Variants in CDKN2B-AS1 observed in about 807,000 individuals in gnomAD.
CDKN2B-AS1 encodes the protein CDKN2B and CDKN2A antisense cis and trans regulatory RNA 1.
At chr9:22,102,164 G>C (rs1404768606) in intron 4 of CDKN2B-AS1, among the ~76,000 whole-genome samples, 1 of 152,194 alleles carries the variant, frequency 6.6e-6, no homozygotes. Context: ...GCATCTGAAT[G>C]ACAGGCATTC....
intron 4 of CDKN2B-AS1, among the ~76,000 whole-genome samples, chr9:22,092,759 T>C (rs535653585): frequency 1.3e-3 from 194 of 152,248 alleles, no homozygotes; most frequent in African/African-American, 4.5e-3. Context: ...TTTGTTGATC[T>C]TTTCAAAAAA....
intron 1 of CDKN2B-AS1, among the ~76,000 whole-genome samples, chr9:22,013,516 A>T (rs1375754957): frequency 1.3e-5 from 2 of 152,026 alleles, no homozygotes; most frequent in Non-Finnish European, 2.9e-5. Flanking sequence ...CAATACTGTG[A>T]GCAAGGGTCA....
At chr9:22,126,708 G>T (rs1041946772) in intron 4 of CDKN2B-AS1, among the ~76,000 whole-genome samples, 1 of 151,808 alleles carries the variant, frequency 6.6e-6, no homozygotes, top group Non-Finnish European at 1.5e-5. Context: ...GAGTAGCTGG[G>T]ACTACAGGCG....
intron 4 of CDKN2B-AS1, among the ~76,000 whole-genome samples, chr9:22,101,467 T>G (rs1394332188): frequency 6.6e-6 from 1 of 152,212 alleles, no homozygotes; most frequent in Non-Finnish European, 1.5e-5. Context: ...ATGTCAATTT[T>G]AAGTAATGTC....
chr9:22,019,724 A>T (rs759664467), intron 1 of CDKN2B-AS1, among the ~76,000 whole-genome samples: 1 of 152,150 alleles, frequency 6.6e-6, no homozygotes, highest in East Asian at 1.9e-4. Flanking sequence ...TAGTAATGCA[A>T]TTTTCTCTAT....
chr9:22,012,331 C>T, intron 1 of CDKN2B-AS1: 2 of 1,434,666 alleles, frequency 1.4e-6, no homozygotes, highest in Non-Finnish European at 2.0e-6. Context: ...TCTCAGACTA[C>T]AACGTCCAGA....
chr9:22,087,046 A>G (rs1297875905), intron 4 of CDKN2B-AS1, among the ~76,000 whole-genome samples: 2 of 152,232 alleles, frequency 1.3e-5, no homozygotes, highest in Non-Finnish European at 2.9e-5. Flanking sequence ...TACTAGTCAC[A>G]TGATCTTCTT....
In CDKN2B-AS1 at chr9:22,000,729, T is replaced by G. The variant is rs187091093; in HGVS notation, n.29+5568T>G. Among the ~76,000 whole-genome samples, 14 of 152,322 alleles carry G rather than the reference T, an allele frequency of 9.2e-5. No homozygotes were observed. The highest frequency in any genetic ancestry group is 7.4e-5 in the Non-Finnish European group (5 of 68,010). ...TTCTTCTTTTATGTTTGTGTATTAT[T>G]GCTTATAAATATATTCTAAAATATA... On this transcript the variant is annotated intron_variant and non_coding_transcript_variant, in intron 1 of 4. Coordinates refer to ENST00000650946, the Ensembl canonical transcript of CDKN2B-AS1. This position sits in a 1 kb window ranked among gnomAD's most constrained non-coding sequence, Gnocchi z 4.1.
At position 21,999,389 on chromosome 9, in the gene CDKN2B-AS1, C is replaced by G. The variant is rs1820827782; in HGVS notation, n.29+4228C>G. 6.6e-6 allele frequency among the ~76,000 whole-genome samples: 1 copy of G among 151,606 alleles called. No homozygotes were observed. On this transcript the variant is annotated intron_variant and non_coding_transcript_variant, in intron 1 of 4. Transcript: ENST00000650946. The surrounding 1 kb of genome is among the most constrained non-coding windows in gnomAD (Gnocchi z 4.7). ...ATATACACCCTTTGACTCAGCAATT[C>G]TATTCCTATAACTCATGTATGTAAC...
intron 1 of CDKN2B-AS1, among the ~76,000 whole-genome samples, chr9:22,038,009 G>A (rs939449499): frequency 2.7e-4 from 41 of 151,958 alleles, no homozygotes; most frequent in Admixed American, 2.7e-3. Flanking sequence ...TCTTGCACAA[G>A]TGCTTTGAAA....
At chr9:22,061,681 G>C (rs1457925050) in intron 4 of CDKN2B-AS1, among the ~76,000 whole-genome samples, 2 of 152,058 alleles carry the variant, frequency 1.3e-5, no homozygotes, top group Non-Finnish European at 2.9e-5. Flanking sequence ...TAATATATTT[G>C]AAAATTACTT....
In CDKN2B-AS1 at chr9:22,081,606, A is replaced by G. The variant is rs112001127; in HGVS notation, n.438+25219A>G. 5.1e-3 allele frequency among the ~76,000 whole-genome samples: 772 copies of G among 152,340 alleles called. 10 individuals carry two copies. The highest frequency in any genetic ancestry group is 0.02 in the Middle Eastern group (6 of 294). On this transcript the variant is annotated intron_variant and non_coding_transcript_variant, in intron 4 of 4. Transcript: ENST00000650946. The stretch of plus-strand genomic sequence containing the variant: ...CTGAGCACAGCATGCAAATTAATTC[A>G]ACACAGCCCCTGGGACAGGCCCATG...
chr9:22,067,778 T>C (rs1824120577), intron 4 of CDKN2B-AS1, among the ~76,000 whole-genome samples: 1 of 152,198 alleles, frequency 6.6e-6, no homozygotes. Context: ...AAATCTTAAG[T>C]GGTAGCTTTA....
intron 4 of CDKN2B-AS1, among the ~76,000 whole-genome samples, chr9:22,109,028 G>A (rs1825734695): frequency 6.6e-6 from 1 of 152,096 alleles, no homozygotes; most frequent in South Asian, 2.1e-4. Flanking sequence ...GAATTTATGA[G>A]ATTATTTTTT....
chr9:22,028,869 G>GTATAA (rs1822348946), intron 1 of CDKN2B-AS1, among the ~76,000 whole-genome samples: 1 of 152,036 alleles, frequency 6.6e-6, no homozygotes. Flanking sequence ...AATTACTAAA[G>GTATAA]TATAATTGTA....
chr9:22,101,120 C>G (rs1487190803), intron 4 of CDKN2B-AS1, among the ~76,000 whole-genome samples: 1 of 152,152 alleles, frequency 6.6e-6, no homozygotes, highest in Non-Finnish European at 1.5e-5. Flanking sequence ...CTTTAAAATT[C>G]CTCTACCTTT....
intron 4 of CDKN2B-AS1, among the ~76,000 whole-genome samples, chr9:22,077,240 A>G (rs1437464123): frequency 6.6e-6 from 1 of 152,150 alleles, no homozygotes; most frequent in African/African-American, 2.4e-5. Flanking sequence ...TTTAAATAAT[A>G]TACTTCATTT....
chr9:22,029,356 C>A (rs1177845875), intron 1 of CDKN2B-AS1: 1 of 758,818 alleles, frequency 1.3e-6, no homozygotes, highest in Admixed American at 1.7e-5. Context: ...TAATGGGATT[C>A]CTGATGGAAT....
intron 4 of CDKN2B-AS1, among the ~76,000 whole-genome samples, chr9:22,126,118 C>T (rs1818013072): frequency 6.6e-6 from 1 of 152,190 alleles, no homozygotes. Flanking sequence ...TTATCAACAA[C>T]ATCAACAGTT....
Sources: allele counts gnomAD v4.1 joint callset (sites outside exome capture counted in the v4.1 genomes callset), GRCh38; gene constraint gnomAD v4.1.1; non-coding constraint Gnocchi (gnomAD v3.1); transcripts MANE v1.5; gene names NCBI Gene and HGNC (gene_info 2026-07-23, HGNC 2026-07-21).